The following ATG10 variants were observed in gnomAD, a reference collection of about 807,000 sequenced individuals.
The protein encoded by ATG10 is ubiquitin-like-conjugating enzyme ATG10.
In ATG10, 30 loss-of-function variants were observed where a neutral mutation model predicts 32.1. The observed-to-expected ratio is 0.94, with a 90% confidence interval of 0.70 to 1.27. ATG10 has a LOEUF of 1.27. Among genes scored for constraint, ATG10 ranks in the 50% most tolerant of loss-of-function variants. ATG10 has a pLI of 0.00. For missense variants in ATG10, 233 were observed against 262.3 expected, an observed-to-expected ratio of 0.89 and a Z score of 0.77; for synonymous variants, 87 against 91.5, an observed-to-expected ratio of 0.95 and a Z score of 0.28.
At chr5:82,234,126 C>T (rs1746467328) in intron 5 of ATG10, among the ~76,000 whole-genome samples, 1 of 152,170 alleles carries the variant, frequency 6.6e-6, no homozygotes, top group Non-Finnish European at 1.5e-5. Context: ...TGCCAACATT[C>T]TGTGTCCGGT....
At chr5:82,062,547 A>G (rs1478362998) in intron 3 of ATG10, among the ~76,000 whole-genome samples, 3 of 152,238 alleles carry the variant, frequency 2.0e-5, no homozygotes, top group Non-Finnish European at 4.4e-5. Context: ...GTACAGTGCT[A>G]TTATTAATAC....
rs1388801174 is a variant in ATG10, at chr5:82,112,557, G to T, written c.217-51842G>T. On this transcript the variant is annotated intron_variant, in intron 3 of 7. Coordinates refer to ENST00000282185, the MANE Select transcript of ATG10 (RefSeq NM_031482.5). ...TTACTAAATGATGATATACAGTATT[G>T]TACTTTAAGACCCTGATTCCTATGA... 9.5e-4 allele frequency among the ~76,000 whole-genome samples: 144 copies of T among 151,760 alleles called. 3 individuals are homozygous for T. Among genetic ancestry groups the T allele is most frequent in the Non-Finnish European group, 5.9e-5 (4 of 67,800 alleles).
intron 3 of ATG10, among the ~76,000 whole-genome samples, chr5:82,129,320 C>T (rs932968675): frequency 9.9e-5 from 15 of 151,802 alleles, no homozygotes; most frequent in Admixed American, 6.6e-5. Context: ...AGTTTATTAC[C>T]CACCTTCTGA....
At chr5:82,206,884 A>G (rs1745321157) in intron 5 of ATG10, among the ~76,000 whole-genome samples, 1 of 152,188 alleles carries the variant, frequency 6.6e-6, no homozygotes, top group Non-Finnish European at 1.5e-5. Flanking sequence ...AGATGAAATC[A>G]TATTCTATAC....
rs1339774428 is a variant in ATG10 at position 82,093,224 on chromosome 5, G to A, written c.216+34622G>A. 1.3e-5 allele frequency among the ~76,000 whole-genome samples: 2 copies of A among 151,930 alleles called. 1 individual carries two copies. The highest frequency in any genetic ancestry group is 4.8e-5 in the African/African-American group (2 of 41,362). ...CTCTCTCCCCATTTCTCTTCTTTGG[G>A]GACTCCAATTACACATATATTAGGC... On this transcript the variant is annotated intron_variant, in intron 3 of 7. Transcript: ENST00000282185.
chr5:82,153,855 C>A (rs1028369256), intron 3 of ATG10, among the ~76,000 whole-genome samples: 1 of 150,676 alleles, frequency 6.6e-6, no homozygotes, highest in Non-Finnish European at 1.5e-5. Flanking sequence ...CTCTTCTATT[C>A]CCAGGCCCCA....
chr5:82,204,303 A>C (rs1745196757), intron 5 of ATG10, among the ~76,000 whole-genome samples: 1 of 152,206 alleles, frequency 6.6e-6, no homozygotes, highest in South Asian at 2.1e-4. Context: ...TCTGGGGTAC[A>C]ATGAAGAGCA....
At chr5:82,113,265 A>G (rs929620143) in intron 3 of ATG10, among the ~76,000 whole-genome samples, 2 of 151,994 alleles carry the variant, frequency 1.3e-5, no homozygotes, top group Non-Finnish European at 2.9e-5. Flanking sequence ...ATGTGAGTGC[A>G]TATTTGATCA....
intron 3 of ATG10, among the ~76,000 whole-genome samples, chr5:82,090,108 A>C (rs1764832657): frequency 6.6e-6 from 1 of 151,980 alleles, no homozygotes; most frequent in Admixed American, 6.6e-5. Context: ...CAGTTATAAC[A>C]CCAGATGCTG....
At chr5:81,983,987 C>T (rs1422878232) in intron 1 of ATG10, among the ~76,000 whole-genome samples, 6 of 151,894 alleles carry the variant, frequency 4.0e-5, no homozygotes, top group African/African-American at 1.2e-4. Flanking sequence ...GATGGGATGG[C>T]GGCCGGGCAG....
chr5:82,084,966 A>C (rs1025563239), intron 3 of ATG10, among the ~76,000 whole-genome samples: 1 of 152,214 alleles, frequency 6.6e-6, no homozygotes, highest in Non-Finnish European at 1.5e-5. Flanking sequence ...GACAGGATCA[A>C]ATTCACACAG....
intron 5 of ATG10, among the ~76,000 whole-genome samples, chr5:82,215,610 A>G (rs538829430): frequency 1.3e-5 from 2 of 152,334 alleles, no homozygotes; most frequent in Middle Eastern, 6.8e-3. Flanking sequence ...GCTAACACTG[A>G]TAAATACAGC....
intron 1 of ATG10, among the ~76,000 whole-genome samples, chr5:81,973,569 CATTTT>C (rs1760789158): frequency 6.6e-6 from 1 of 152,190 alleles, no homozygotes; most frequent in South Asian, 2.1e-4. Context: ...GTCACAGGTT[CATTTT>C]GAGTCATATT....
intron 3 of ATG10, among the ~76,000 whole-genome samples, chr5:82,118,951 T>C (rs1055857487): frequency 6.6e-6 from 1 of 152,178 alleles, no homozygotes; most frequent in African/African-American, 2.4e-5. Context: ...TGTCTTGGGA[T>C]AGATTATTTT....
chr5:82,119,479 G>A (rs1765957322), intron 3 of ATG10, among the ~76,000 whole-genome samples: 1 of 151,950 alleles, frequency 6.6e-6, no homozygotes, highest in African/African-American at 2.4e-5. Flanking sequence ...TTCTTTTTGA[G>A]ATGGAATCTC....
rs114936264 is a variant in ATG10 at position 82,137,713 on chromosome 5, C to G, written c.217-26686C>G. ...GGGGTCAAGGAGCCACTTAAGGAGG[C>G]AGTCTGTCTCTTAGCAGAGCTCGAG... On this transcript the variant is annotated intron_variant, in intron 3 of 7. Transcript: ENST00000282185. Among the ~76,000 whole-genome samples the G allele has an allele frequency of 7.4e-3, 1,133 of 152,288 alleles. 14 individuals carry two copies. Among genetic ancestry groups the G allele is most frequent in the African/African-American group, 0.025 (1,057 of 41,550 alleles).
rs542597785 is a variant in ATG10, at chr5:81,996,134, A to C, written c.108+8456A>C. On this transcript the variant is annotated intron_variant, in intron 2 of 7. Coordinates refer to ENST00000282185, the MANE Select transcript of ATG10 (RefSeq NM_031482.5). ...CTTAACTTTTATTCTTCTTCCACTA[A>C]TTTACCTTTAAAATGTTTACATCTA... is the stretch of plus-strand genomic sequence containing the variant. Among the ~76,000 whole-genome samples the C allele has an allele frequency of 6.9e-4, 105 of 152,274 alleles. 2 individuals carry two copies. The highest frequency in any genetic ancestry group is 6.8e-3 in the South Asian group (33 of 4,822).
At chr5:81,980,046 A>AT (rs924778351) in intron 1 of ATG10, among the ~76,000 whole-genome samples, 4 of 151,712 alleles carry the variant, frequency 2.6e-5, no homozygotes, top group African/African-American at 7.3e-5. Context: ...CACGAATGTG[A>AT]TTTTTTTCCA....
chr5:82,221,055 C>A (rs1157668782), intron 5 of ATG10, among the ~76,000 whole-genome samples: 1 of 152,218 alleles, frequency 6.6e-6, no homozygotes, highest in Non-Finnish European at 1.5e-5. Context: ...CTGTGCCCGG[C>A]CTTCCATCTC....
Sources: gnomAD v4.1 joint callset for allele counts (sites outside exome capture counted in the v4.1 genomes callset) on GRCh38, gnomAD v4.1.1 for gene constraint, MANE v1.5 for transcripts, NCBI Gene and HGNC (gene_info 2026-07-23, HGNC 2026-07-21) for gene names.